Variants in DSTYK observed in about 807,000 individuals in gnomAD.
DSTYK encodes dual serine/threonine and tyrosine protein kinase, also known as RIP-homologous kinase.
A neutral mutation model predicts 98.7 loss-of-function variants in DSTYK; 34 were observed. The observed-to-expected ratio is 0.34, with a 90% confidence interval of 0.26 to 0.46. The LOEUF (loss-of-function observed/expected upper bound fraction) is 0.46. DSTYK is among the 20% of genes least tolerant of loss of function. DSTYK has a pLI of 1.00. For synonymous variants in DSTYK, 462 were observed against 457.3 expected, an observed-to-expected ratio of 1.01 and a Z score of -0.13; for missense variants, 962 against 1,181.7, an observed-to-expected ratio of 0.81 and a Z score of 2.73.
chr1:205,207,601 A>G (rs1048148253), intron 1 of DSTYK, among the ~76,000 whole-genome samples: 1 of 150,150 alleles, frequency 6.7e-6, no homozygotes, highest in African/African-American at 2.4e-5. Flanking sequence ...AAATACAAAA[A>G]CAAAATTAGC....
rs1319738420 is a variant in DSTYK, at chr1:205,187,762, G to A, written c.310C>T (p.Leu104Phe). 3 of 1,613,982 alleles carry A rather than the reference G, an allele frequency of 1.9e-6. No individual in the cohort carries two copies. Among genetic ancestry groups the A allele is most frequent in the Non-Finnish European group, 2.5e-6 (3 of 1,180,018 alleles). ...GGGAGGCAGTCCACAATCTGCTGGA[G>A]GTACTTCTCTTCCTTAGGTGGGAAG... ...ISFPPKEEKYLQQIVDCLPCI... is the reference protein window; with the variant it reads ...ISFPPKEEKYFQQIVDCLPCI... Residue 104 changes from leucine to phenylalanine, a missense_variant, in exon 2 of 13, where the codon CTC (leucine) becomes TTC (phenylalanine). Leu to Phe is a conservative substitution (Grantham distance 22). Around this residue, in one of 4 missense-constraint regions of DSTYK, gnomAD observed 660 missense variants for 855.0 expected, o/e 0.77. Transcript: ENST00000367162.
chr1:205,161,248 C>T lies in DSTYK; in HGVS notation c.1948+10G>A. 1 of 1,613,614 alleles carries T rather than the reference C, an allele frequency of 6.2e-7. No homozygotes were observed. On this transcript the variant is annotated intron_variant, in intron 7 of 12. Transcript: ENST00000367162. Reference sequence around the variant, plus strand: ...ATCCTCCAGTTTATCTAGAAGAAAACCAGACTCACGATGAAGCAAGACATC... The same window carrying T: ...ATCCTCCAGTTTATCTAGAAGAAAATCAGACTCACGATGAAGCAAGACATC...
intron 1 of DSTYK, among the ~76,000 whole-genome samples, chr1:205,205,045 C>T (rs1166209933): frequency 1.3e-5 from 2 of 152,080 alleles, no homozygotes; most frequent in Non-Finnish European, 2.9e-5. Context: ...GAAAGAAAGA[C>T]CAAGTTTTGG....
chr1:205,155,736 A>G (rs1657539438), intron 10 of DSTYK, among the ~76,000 whole-genome samples: 1 of 152,186 alleles, frequency 6.6e-6, no homozygotes, highest in South Asian at 2.1e-4. Flanking sequence ...CTGCTGCAGA[A>G]ATTTTCGTAA....
At chr1:205,157,539 C>T (rs1192471284) in intron 9 of DSTYK, among the ~76,000 whole-genome samples, 153 bp from the exon 10 acceptor site, 1 of 152,024 alleles carries the variant, frequency 6.6e-6, no homozygotes, top group African/African-American at 2.4e-5. Context: ...CTTAGGGAGG[C>T]CAAGGTCAAG....
intron 1 of DSTYK, among the ~76,000 whole-genome samples, chr1:205,200,101 A>G (rs1350784256): frequency 6.6e-6 from 1 of 151,892 alleles, no homozygotes; most frequent in African/African-American, 2.4e-5. Flanking sequence ...CAGTGGTGCA[A>G]TCTCGGCTGG....
chr1:205,180,652 A>G (rs554652310), intron 2 of DSTYK, among the ~76,000 whole-genome samples: 1 of 152,226 alleles, frequency 6.6e-6, no homozygotes, highest in Non-Finnish European at 1.5e-5. Flanking sequence ...TTTTGTAGAA[A>G]GAGGGTTTTG....
intron 1 of DSTYK, among the ~76,000 whole-genome samples, chr1:205,200,851 T>G (rs1200907851): frequency 6.6e-6 from 1 of 152,164 alleles, no homozygotes; most frequent in Non-Finnish European, 1.5e-5. Context: ...TGGCACAGAA[T>G]GCAACTGCAC....
chr1:205,149,003 A>G (rs1657326686), intron 11 of DSTYK, among the ~76,000 whole-genome samples: 3 of 151,718 alleles, frequency 2.0e-5, no homozygotes, highest in Non-Finnish European at 4.4e-5. Context: ...GCTGGGTTCA[A>G]GCGATTCTCC....
At chr1:205,159,140 G>C (rs1657642093) in intron 9 of DSTYK, among the ~76,000 whole-genome samples, 1 of 151,928 alleles carries the variant, frequency 6.6e-6, no homozygotes, top group South Asian at 2.1e-4. Context: ...CCAGGCTAGG[G>C]TGCAGTGGCA....
At chr1:205,180,327 T>G (rs564012254) in intron 2 of DSTYK, among the ~76,000 whole-genome samples, 29 of 146,678 alleles carry the variant, frequency 2.0e-4, no homozygotes, top group African/African-American at 6.9e-4. Context: ...TGTGTTCTCA[T>G]TGTTCAACTC....
chr1:205,197,141 A>G (rs1658891380), intron 1 of DSTYK, among the ~76,000 whole-genome samples: 1 of 151,786 alleles, frequency 6.6e-6, no homozygotes, highest in African/African-American at 2.4e-5. Context: ...ATGAAAGGAA[A>G]AAAAAAAAAA....
chr1:205,172,021 G>T (rs1235426400), intron 2 of DSTYK, among the ~76,000 whole-genome samples: 1 of 152,158 alleles, frequency 6.6e-6, no homozygotes, highest in Non-Finnish European at 1.5e-5. Flanking sequence ...AATGGCACGA[G>T]CTCGGCTCAC....
intron 10 of DSTYK, among the ~76,000 whole-genome samples, chr1:205,154,874 T>C (rs909278945): frequency 6.6e-6 from 1 of 152,198 alleles, no homozygotes. Flanking sequence ...AAGGTCACTA[T>C]TGCTGTGCAA....
intron 1 of DSTYK, chr1:205,202,155 C>T (rs764044299): frequency 4.0e-5 from 21 of 522,084 alleles, no homozygotes; most frequent in Non-Finnish European, 7.0e-5. Flanking sequence ...GGGGAAGGGG[C>T]TTCTTCCCCT....
chr1:205,207,794 GA>G (rs1172581241), intron 1 of DSTYK, among the ~76,000 whole-genome samples: 3 of 83,524 alleles, frequency 3.6e-5, no homozygotes, highest in East Asian at 3.3e-4. Flanking sequence ...AAAAAAAAAA[GA>G]AAAAAAATAC....
rs1657136462 is a variant in DSTYK, at chr1:205,143,608, A to T, written c.*3950T>A. The T allele has an allele frequency of 6.6e-6, 1 of 152,582 alleles. No homozygotes were observed. Among genetic ancestry groups the T allele is most frequent in the African/African-American group, 2.4e-5 (1 of 41,428 alleles). 9.5% of individuals were successfully genotyped at this position (152,582 alleles called of 1,614,324 possible). A position where few individuals can be genotyped will look rare whatever the true frequency, so the allele number is the denominator to read the frequency against. On this transcript the variant is annotated 3_prime_UTR_variant, in exon 13 of 13. Transcript: ENST00000367162. Reference sequence around the variant, plus strand: ...CTTTAACTTCCCAAAGTGCTACTGTAATCACCAATTCCCCTGGGCCTCCCA... The same window carrying T: ...CTTTAACTTCCCAAAGTGCTACTGTTATCACCAATTCCCCTGGGCCTCCCA...
intron 2 of DSTYK, among the ~76,000 whole-genome samples, chr1:205,185,387 A>AT (rs1658532138): frequency 1.3e-5 from 2 of 151,608 alleles, no homozygotes; most frequent in Admixed American, 1.3e-4. Flanking sequence ...TATTATTATT[A>AT]TTTTTTTTAG....
At chr1:205,205,035 G>C (rs1659158892) in intron 1 of DSTYK, among the ~76,000 whole-genome samples, 1 of 152,146 alleles carries the variant, frequency 6.6e-6, no homozygotes, top group Non-Finnish European at 1.5e-5. Context: ...AGAAAATTAA[G>C]AAAGAAAGAC....
Sources: allele counts gnomAD v4.1 joint callset (sites outside exome capture counted in the v4.1 genomes callset), GRCh38; gene constraint gnomAD v4.1.1; regional missense constraint gnomAD v4.1.1; transcripts MANE v1.5; gene names NCBI Gene and HGNC (gene_info 2026-07-23, HGNC 2026-07-21).